The following THSD7B variants were observed in gnomAD, a reference collection of about 807,000 sequenced individuals.
THSD7B encodes the protein thrombospondin type-1 domain-containing protein 7B.
THSD7B carries 138 observed loss-of-function variants against 213.6 expected under a neutral mutation model. The observed-to-expected ratio is 0.65, with a 90% CI of 0.56 to 0.74. The LOEUF (loss-of-function observed/expected upper bound fraction) is 0.74, where lower values mean the gene tolerates loss of function less well. THSD7B is among the 30% of genes least tolerant of loss of function. THSD7B has a pLI of 0.00. For synonymous variants in THSD7B, 742 were observed against 687.0 expected, an observed-to-expected ratio of 1.08 and a Z score of -1.25; for missense variants, 1,931 against 1,991.5, an observed-to-expected ratio of 0.97 and a Z score of 0.58.
At chr2:137,172,876 A>G (rs1309123787) in intron 7 of THSD7B, among the ~76,000 whole-genome samples, 1 of 152,124 alleles carries the variant, frequency 6.6e-6, no homozygotes, top group Non-Finnish European at 1.5e-5. Flanking sequence ...GTGGTGTTGG[A>G]GAATTGTGTG....
intron 20 of THSD7B, among the ~76,000 whole-genome samples, chr2:137,635,356 A>G (rs78624590): frequency 0.044 from 6,627 of 152,270 alleles, 213 homozygotes; most frequent in Non-Finnish European, 0.069. Flanking sequence ...GAAAAACATA[A>G]ACCCAAGCAA....
chr2:137,072,815 C>G (rs532509528), intron 3 of THSD7B, among the ~76,000 whole-genome samples: 25 of 151,934 alleles, frequency 1.6e-4, no homozygotes, highest in African/African-American at 1.9e-4. Flanking sequence ...TAGCATGAAG[C>G]GTTGTTGAAT....
chr2:137,458,886 C>A (rs1452524016), intron 15 of THSD7B, among the ~76,000 whole-genome samples: 1 of 152,016 alleles, frequency 6.6e-6, no homozygotes, highest in African/African-American at 2.4e-5. Context: ...CCACGCTTTC[C>A]CATAAATTTG....
Position 137,411,794 on chromosome 2 carries a change from G to A in THSD7B, c.2881G>A (p.Glu961Lys). The stretch of plus-strand genomic sequence containing the variant: ...ACAAGCAGACAGCAAAGAATGTGGA[G>A]AAGGCCTGCGCTTTCGAGCAGTAGC... ...RVQADSKECGEGLRFRAVACS... is the reference protein window; with the variant it reads ...RVQADSKECGKGLRFRAVACS... The change falls in exon 14 of 28, where the codon GAA becomes AAA. Residue 961 changes from glutamate (E) to lysine (K), a missense_variant. Coordinates refer to ENST00000409968, the MANE Select transcript of THSD7B (RefSeq NM_001316349.2). The A allele has an allele frequency of 1.2e-6, 2 of 1,613,956 alleles. No individual in the cohort carries two copies. The highest frequency in any genetic ancestry group is 1.3e-5 in the African/African-American group (1 of 75,036).
chr2:136,951,354 G>A (rs974209478), intron 2 of THSD7B, among the ~76,000 whole-genome samples: 4 of 152,020 alleles, frequency 2.6e-5, no homozygotes, highest in African/African-American at 4.8e-5. Flanking sequence ...AAAATGTCCT[G>A]TAAATTTGCT....
In THSD7B at chr2:137,391,545, G is replaced by A. The variant is rs148071501; in HGVS notation, c.2501-14068G>A. ...TCTACTAGAAATACAAAAATTAGCC[G>A]GGCATGGTAGCATGTGCCTGTATTC... is the stretch of plus-strand genomic sequence containing the variant. On this transcript the variant is annotated intron_variant, in intron 12 of 27. Transcript: ENST00000409968. Among the ~76,000 whole-genome samples, 666 of 152,022 alleles carry A rather than the reference G, an allele frequency of 4.4e-3. 6 individuals are homozygous for A. Among genetic ancestry groups the A allele is most frequent in the African/African-American group, 0.015 (633 of 41,492 alleles).
intron 4 of THSD7B, among the ~76,000 whole-genome samples, chr2:137,102,471 T>C (rs139087551): frequency 6.8e-4 from 104 of 152,232 alleles, no homozygotes; most frequent in African/African-American, 2.4e-3. Context: ...AAAACCAGAA[T>C]TCCTCTTCTC....
At chr2:137,159,275 C>A in intron 5 of THSD7B, among the ~76,000 whole-genome samples, 1 of 151,644 alleles carries the variant, frequency 6.6e-6, no homozygotes, top group East Asian at 1.9e-4. Flanking sequence ...CTACAAAAAG[C>A]AATAGAAAAA....
chr2:137,642,534 A>G lies in THSD7B; in HGVS notation c.3846A>G (p.Glu1282=). ...TRFIIMPTQG[E]GRPCPTELTQ... is the part of the protein sequence containing the mutation. ...TTATCATTATGCCAACCCAAGGAGA[A>G]GGACGGCCATGCCCCACAGAGCTTA... is the stretch of plus-strand genomic sequence containing the variant. The change falls in exon 21 of 28, where the codon GAA becomes GAG. Residue 1282 remains glutamate, a synonymous_variant. Transcript: ENST00000409968. The G allele has an allele frequency of 6.2e-7, 1 of 1,613,916 alleles. No homozygotes were observed. Among genetic ancestry groups the G allele is most frequent in the South Asian group, 1.1e-5 (1 of 91,084 alleles).
chr2:137,670,649 C>T (rs538736775), intron 27 of THSD7B, among the ~76,000 whole-genome samples: 35 of 152,082 alleles, frequency 2.3e-4, no homozygotes, highest in African/African-American at 6.3e-4. Context: ...CGGCCAGGTG[C>T]GGTGGCTCAT....
intron 1 of THSD7B, among the ~76,000 whole-genome samples, chr2:136,829,335 T>C (rs1458474494): frequency 6.6e-6 from 1 of 152,098 alleles, no homozygotes; most frequent in East Asian, 1.9e-4. Flanking sequence ...GCTTTCTCCT[T>C]CAACCACCTC....
In THSD7B at chr2:136,813,737, C is replaced by T. The variant is rs186743963; in HGVS notation, c.-36+48050C>T. Among the ~76,000 whole-genome samples, 522 of 152,118 alleles carry T rather than the reference C, an allele frequency of 3.4e-3. 14 individuals are homozygous for T. Among genetic ancestry groups the T allele is most frequent in the Admixed American group, 0.031 (475 of 15,278 alleles). The stretch of plus-strand genomic sequence containing the variant: ...CACAGCGTGAAATAACTATTTTCTT[C>T]AAAGTGAGGTTGCTTGTTGTGTTAC... On this transcript the variant is annotated intron_variant, in intron 1 of 27. Coordinates refer to ENST00000409968, the MANE Select transcript of THSD7B (RefSeq NM_001316349.2).
At chr2:137,130,173 T>TG (rs1354245637) in intron 5 of THSD7B, among the ~76,000 whole-genome samples, 1 of 152,058 alleles carries the variant, frequency 6.6e-6, no homozygotes, top group Non-Finnish European at 1.5e-5. Flanking sequence ...AATACCCAGA[T>TG]GAAGTGGATT....
chr2:137,561,178 C>A (rs1413693900), intron 15 of THSD7B, among the ~76,000 whole-genome samples: 1 of 152,180 alleles, frequency 6.6e-6, no homozygotes, highest in Non-Finnish European at 1.5e-5. Context: ...AGCTATCCTG[C>A]TGCAGGTGCA....
At chr2:137,169,188 A>G in intron 6 of THSD7B, among the ~76,000 whole-genome samples, 1 of 151,618 alleles carries the variant, frequency 6.6e-6, no homozygotes. Flanking sequence ...AAAAAACTCA[A>G]AGCACTTAAA....
chr2:137,059,911 G>T (rs955078459), intron 3 of THSD7B, among the ~76,000 whole-genome samples: 1 of 152,118 alleles, frequency 6.6e-6, no homozygotes, highest in Admixed American at 6.6e-5. Flanking sequence ...TTGCTGTATG[G>T]TATAGCAAGA....
intron 15 of THSD7B, among the ~76,000 whole-genome samples, chr2:137,547,662 A>T (rs529032626): frequency 2.0e-5 from 3 of 152,098 alleles, no homozygotes; most frequent in Admixed American, 6.6e-5. Flanking sequence ...GAGTTTGCAG[A>T]CTGCAAGTTG....
At position 136,986,028 on chromosome 2, in the gene THSD7B, T is replaced by C. The variant is rs144280085; in HGVS notation, c.140-70392T>C. On this transcript the variant is annotated intron_variant, in intron 2 of 27. Coordinates refer to ENST00000409968, the MANE Select transcript of THSD7B (RefSeq NM_001316349.2). ...TTTCTTTTGACCAATTTCTCCTTTT[T>C]GAAATGAAAATGGATACCTAATGCA... Among the ~76,000 whole-genome samples, 1,017 of 152,320 alleles carry C rather than the reference T, an allele frequency of 6.7e-3. 10 individuals are homozygous for C. The highest frequency in any genetic ancestry group is 0.023 in the African/African-American group (943 of 41,568).
intron 2 of THSD7B, among the ~76,000 whole-genome samples, chr2:137,037,728 TA>T (rs963266785): frequency 2.6e-5 from 4 of 152,108 alleles, no homozygotes; most frequent in South Asian, 2.1e-4. Flanking sequence ...TGTATCTTAA[TA>T]TTTTTTTTCT....
Sources: allele counts gnomAD v4.1 joint callset (sites outside exome capture counted in the v4.1 genomes callset), GRCh38; gene constraint gnomAD v4.1.1; transcripts MANE v1.5; gene names NCBI Gene and HGNC (gene_info 2026-07-23, HGNC 2026-07-21).